The following GRIN2D variants were observed in gnomAD, a reference collection of about 807,000 sequenced individuals.
GRIN2D encodes the protein glutamate ionotropic receptor NMDA type subunit 2D.
Under a neutral mutation model 103.2 loss-of-function variants are expected in GRIN2D, and 37 were observed. That is an observed-to-expected ratio of 0.36 (90% CI 0.28 to 0.47). The LOEUF is 0.47. GRIN2D is among the 20% of genes least tolerant of loss of function. The pLI is 1.00. For synonymous variants in GRIN2D, 845 were observed against 885.6 expected, an observed-to-expected ratio of 0.95 and a Z score of 0.81; for missense variants, 1,557 against 1,910.6, an observed-to-expected ratio of 0.81 and a Z score of 3.45.
chr19:48,436,702 G>C (rs538266654), intron 11 of GRIN2D, among the ~76,000 whole-genome samples: 1 of 152,334 alleles, frequency 6.6e-6, no homozygotes, highest in Admixed American at 6.5e-5. Flanking sequence ...GAGTCAGTCA[G>C]GCAAAGGCAC....
intron 11 of GRIN2D, among the ~76,000 whole-genome samples, chr19:48,440,924 G>T (rs1971283725): frequency 6.6e-6 from 1 of 152,168 alleles, no homozygotes; most frequent in African/African-American, 2.4e-5. Flanking sequence ...TGAGCTGACA[G>T]GTGATCCACC....
chr19:48,443,615 G>T lies in GRIN2D; in HGVS notation c.3689G>T (p.Arg1230Leu). 1.8e-6 allele frequency: 2 copies of T among 1,095,208 alleles called. No homozygotes were observed. Among genetic ancestry groups the T allele is most frequent in the Non-Finnish European group, 2.2e-6 (2 of 903,502 alleles). 67.8% of individuals were successfully genotyped at this position (1,095,208 alleles called of 1,614,324 possible). Residue 1230 changes from arginine to leucine, a missense_variant, in exon 14 of 14, where the codon CGG becomes CTG. Around this residue, in one of 7 missense-constraint regions of GRIN2D, gnomAD observed 632 missense variants for 572.8 expected, o/e 1.10. Coordinates refer to ENST00000263269, the MANE Select transcript of GRIN2D (RefSeq NM_000836.4). This position sits in a 1 kb window ranked among gnomAD's most constrained non-coding sequence, Gnocchi z 8.9. ...PRRRARCGCP[R>L]SHPHRPRASH... ...CGCCGGGCCCGCTGCGGGTGCCCGC[G>T]GTCGCACCCGCACCGCCCGCGGGCC...
chr19:48,393,930 C>T lies in GRIN2D; in HGVS notation c.-306+62C>T, dbSNP rs991246692. On this transcript the variant is annotated intron_variant, in intron 1 of 13. Transcript: ENST00000263269. The surrounding 1 kb of genome is among the most constrained non-coding windows in gnomAD (Gnocchi z 5.6). ...GGTGGAGGGGGGGTGTGTCTGTAAG[C>T]GCTGCGGCGGCGGAGGGAGGGAGGG... 4.6e-5 allele frequency among the ~76,000 whole-genome samples: 7 copies of T among 151,886 alleles called. No homozygotes were observed. The highest frequency in any genetic ancestry group is 8.8e-5 in the Non-Finnish European group (6 of 67,962).
At position 48,414,259 on chromosome 19, in the gene GRIN2D, G is replaced by A. The variant is rs1311702739; in HGVS notation, c.1201-114G>A. On this transcript the variant is annotated intron_variant, in intron 5 of 13. Transcript: ENST00000263269. The surrounding 1 kb of genome is among the most constrained non-coding windows in gnomAD (Gnocchi z 4.6). ...ATCTGAAGGTGGGAGGGGCTCCTGG[G>A]TCTTGGAAGAAGCTGCTGCCCACAC... is the stretch of plus-strand genomic sequence containing the variant. 3 of 988,656 alleles carry A rather than the reference G, an allele frequency of 3.0e-6. No homozygotes were observed. Among genetic ancestry groups the A allele is most frequent in the African/African-American group, 1.6e-5 (1 of 62,508 alleles). The allele number at this position is 988,656 out of a possible 1,614,324, so 61.2% of individuals were successfully genotyped here.
intron 3 of GRIN2D, among the ~76,000 whole-genome samples, chr19:48,399,876 G>A (rs1254705076): frequency 2.1e-5 from 3 of 144,518 alleles, no homozygotes; most frequent in South Asian, 2.2e-4. Flanking sequence ...GGGCTAGCCA[G>A]TTGGGGGCGG....
chr19:48,429,050 CAAAGGACA>C (rs1971123503), intron 11 of GRIN2D, among the ~76,000 whole-genome samples: 1 of 152,220 alleles, frequency 6.6e-6, no homozygotes, highest in Non-Finnish European at 1.5e-5. Flanking sequence ...TCATGATTCA[CAAAGGACA>C]CCCCTGTGTT....
At chr19:48,430,976 C>T (rs553960327) in intron 11 of GRIN2D, among the ~76,000 whole-genome samples, 4 of 152,026 alleles carry the variant, frequency 2.6e-5, no homozygotes, top group South Asian at 2.1e-4. Context: ...TGCACCACCA[C>T]GCCCAGCTAA....
At chr19:48,401,432 C>T (rs62132014) in intron 3 of GRIN2D, among the ~76,000 whole-genome samples, 1 of 151,996 alleles carries the variant, frequency 6.6e-6, no homozygotes, top group African/African-American at 2.4e-5. Context: ...GGGAGGCCTC[C>T]CTGAGGCGGT....
intron 11 of GRIN2D, among the ~76,000 whole-genome samples, chr19:48,429,563 C>CTAACTTTTGTATTTTCAA (rs1971131565): frequency 6.6e-6 from 1 of 151,996 alleles, no homozygotes; most frequent in Non-Finnish European, 1.5e-5. Flanking sequence ...CCACGCCCAG[C>CTAACTTTTGTATTTTCAA]TAACTTTTGT....
At chr19:48,409,274 C>CTTTTTTTT in intron 4 of GRIN2D, among the ~76,000 whole-genome samples, 1 of 103,724 alleles carries the variant, frequency 9.6e-6, no homozygotes, top group Non-Finnish European at 1.8e-5. Flanking sequence ...AATTAAATTT[C>CTTTTTTTT]TTTTTTTTTT....
intron 3 of GRIN2D, among the ~76,000 whole-genome samples, chr19:48,400,959 A>G (rs1970703926): frequency 1.3e-5 from 2 of 151,874 alleles, no homozygotes; most frequent in Non-Finnish European, 2.9e-5. Flanking sequence ...CCAGCTACTC[A>G]GGAGGCTGAG....
intron 11 of GRIN2D, among the ~76,000 whole-genome samples, chr19:48,426,716 G>A (rs1788127068): frequency 6.6e-6 from 1 of 151,644 alleles, no homozygotes; most frequent in South Asian, 2.1e-4. Context: ...TCCTGAGCAG[G>A]TGGGATTACA....
intron 4 of GRIN2D, among the ~76,000 whole-genome samples, chr19:48,413,102 C>T (rs1229591658): frequency 6.7e-6 from 1 of 148,500 alleles, no homozygotes; most frequent in Non-Finnish European, 1.5e-5. Flanking sequence ...TACCATTGCA[C>T]TCCAGCCTGG....
chr19:48,439,875 G>A (rs1219951441), intron 11 of GRIN2D, among the ~76,000 whole-genome samples: 1 of 152,154 alleles, frequency 6.6e-6, no homozygotes. Context: ...CCGGGGAGGC[G>A]GAGGTTGTGG....
chr19:48,419,641 G>A lies in GRIN2D; in HGVS notation c.1918G>A (p.Val640Met). Residue 640 changes from valine to methionine, a missense_variant, in exon 10 of 14, where the codon GTG becomes ATG. By Grantham distance (21) the Val-to-Met change is conservative (BLOSUM62 1). This residue lies in a region of GRIN2D where 197 missense variants were observed against 334.1 expected (regional missense o/e 0.59). Coordinates refer to ENST00000263269, the MANE Select transcript of GRIN2D (RefSeq NM_000836.4). ...GKSIWLLWAL[V>M]FNNSVPVENP... is the part of the protein sequence containing the mutation. ...ATCCATCTGGCTGCTCTGGGCCCTG[G>A]TGTTCAATAATTCGGTGCCCGTGGA... is the stretch of plus-strand genomic sequence containing the variant. 2 of 1,613,694 alleles carry A rather than the reference G, an allele frequency of 1.2e-6. No homozygotes were observed.
intron 8 of GRIN2D, 92 bp downstream of exon 8, chr19:48,416,247 G>C (rs1970947947): frequency 1.8e-6 from 2 of 1,121,890 alleles, no homozygotes; most frequent in African/African-American, 3.1e-5. Flanking sequence ...CTGGGTTCCC[G>C]GTATCATCGG....
intron 4 of GRIN2D, among the ~76,000 whole-genome samples, chr19:48,411,743 C>T (rs1225511852): frequency 6.6e-6 from 1 of 151,740 alleles, no homozygotes; most frequent in African/African-American, 2.4e-5. Context: ...CTGCAAAGTC[C>T]TAGAGATAAG....
chr19:48,414,822 G>A lies in GRIN2D; in HGVS notation c.1413-42G>A, dbSNP rs1238613031. The A allele has an allele frequency of 3.7e-6, 6 of 1,604,330 alleles. No individual in the cohort carries two copies. The highest frequency in any genetic ancestry group is 4.3e-6 in the Non-Finnish European group (5 of 1,174,238). On this transcript the variant is annotated intron_variant, in intron 6 of 13. Transcript: ENST00000263269. The surrounding 1 kb of genome is among the most constrained non-coding windows in gnomAD (Gnocchi z 4.6). ...TCCTCTCTTCATGAGAGAGTCTAAG[G>A]AGGGGGTCCCCAAACTCCCCAAGCC...
At chr19:48,426,129 C>T (rs1971082153) in intron 11 of GRIN2D, among the ~76,000 whole-genome samples, 2 of 151,978 alleles carry the variant, frequency 1.3e-5, no homozygotes, top group African/African-American at 2.4e-5. Context: ...TTTCATTCTA[C>T]TGCTGGTGGA....
Sources: allele counts gnomAD v4.1 joint callset (sites outside exome capture counted in the v4.1 genomes callset), GRCh38; gene constraint gnomAD v4.1.1; regional missense constraint gnomAD v4.1.1; non-coding constraint Gnocchi (gnomAD v3.1); transcripts MANE v1.5; gene names NCBI Gene and HGNC (gene_info 2026-07-23, HGNC 2026-07-21).